PPFIA2: variants seen among roughly 807,000 people sequenced by gnomAD.
PPFIA2 encodes PPFI scaffold protein A2, also known as liprin-alpha-2.
A neutral mutation model predicts 175.5 loss-of-function variants in PPFIA2; 46 were observed. The ratio of observed to expected loss-of-function variants is 0.26; its 90% CI spans 0.21 to 0.34. The LOEUF is 0.34. Among genes scored for constraint, PPFIA2 ranks in the 10% least tolerant of loss-of-function variants. The pLI, the probability that PPFIA2 is intolerant of heterozygous loss-of-function variation, is 1.00. For synonymous variants in PPFIA2, 568 were observed against 511.4 expected (o/e 1.11, Z -1.49); for missense variants, 1,179 against 1,506.1 (o/e 0.78, Z 3.60).
chr12:81,726,704 C>G (rs1366689116), intron 3 of PPFIA2, among the ~76,000 whole-genome samples: 1 of 151,212 alleles, frequency 6.6e-6, no homozygotes, highest in South Asian at 2.1e-4. Flanking sequence ...CACAGATGGC[C>G]CATGTATTGC....
intron 4 of PPFIA2, among the ~76,000 whole-genome samples, chr12:81,494,645 T>G (rs1314346624): frequency 3.3e-5 from 5 of 152,014 alleles, no homozygotes; most frequent in East Asian, 1.9e-4. Context: ...ACATGCACAT[T>G]TATGTTTATT....
chr12:81,372,830 T>C (rs1047418040), intron 11 of PPFIA2, among the ~76,000 whole-genome samples: 5 of 151,694 alleles, frequency 3.3e-5, no homozygotes. Context: ...GAAGACTTTT[T>C]GGAAGAATTC....
At chr12:81,414,912 C>G (rs1168048413) in intron 7 of PPFIA2, among the ~76,000 whole-genome samples, 1 of 150,858 alleles carries the variant, frequency 6.6e-6, no homozygotes, top group African/African-American at 2.4e-5. Flanking sequence ...TTAAGAAACC[C>G]AAGCCAGTAA....
At chr12:81,668,567 C>T (rs574593543) in intron 4 of PPFIA2, among the ~76,000 whole-genome samples, 2 of 152,000 alleles carry the variant, frequency 1.3e-5, no homozygotes, top group African/African-American at 4.8e-5. Flanking sequence ...TGAGTCATTG[C>T]TTTGGGTCCA....
At chr12:81,508,754 TCCCTCCC>T (rs2061466577) in intron 4 of PPFIA2, among the ~76,000 whole-genome samples, 1 of 98,030 alleles carries the variant, frequency 1.0e-5, no homozygotes, top group Admixed American at 1.1e-4. Flanking sequence ...CCCGATGCTA[TCCCTCCC>T]CCCTCCCCCC....
intron 28 of PPFIA2, chr12:81,270,581 C>T (rs374744338): frequency 1.3e-5 from 2 of 152,138 alleles, no homozygotes; most frequent in East Asian, 3.9e-4. Context: ...TTCCTACCCG[C>T]CAAAGAACAT....
chr12:81,294,828 G>C lies in PPFIA2; in HGVS notation c.2925+7C>G. ...CTGAGGAAGGGGAGGAGCAGAAACTGACTCACAGTTCGAGATGTTGGAGGA... is the reference window on the plus strand; with the variant it reads ...CTGAGGAAGGGGAGGAGCAGAAACTCACTCACAGTTCGAGATGTTGGAGGA... On this transcript the variant is annotated splice_region_variant and intron_variant, in intron 24 of 32. Coordinates refer to ENST00000549396, the MANE Select transcript of PPFIA2 (RefSeq NM_003625.5). 1 of 1,611,374 alleles carries C rather than the reference G, an allele frequency of 6.2e-7. No homozygotes were observed. Among genetic ancestry groups the C allele is most frequent in the Non-Finnish European group, 8.5e-7 (1 of 1,178,674 alleles).
At chr12:81,305,612 T>C (rs7314023) in intron 22 of PPFIA2, among the ~76,000 whole-genome samples, 4 of 152,128 alleles carry the variant, frequency 2.6e-5, no homozygotes, top group Non-Finnish European at 5.9e-5. Flanking sequence ...CCTCAATTCA[T>C]ACCATTCAAA....
chr12:81,307,130 T>C (rs1203837641), intron 22 of PPFIA2, among the ~76,000 whole-genome samples: 2 of 152,160 alleles, frequency 1.3e-5, no homozygotes, highest in East Asian at 3.9e-4. Flanking sequence ...CCCTTTTATA[T>C]GAAATATTTT....
intron 15 of PPFIA2, 141 bp from the exon 16 acceptor site, chr12:81,358,358 G>T: frequency 1.2e-6 from 1 of 823,794 alleles, no homozygotes; most frequent in Non-Finnish European, 1.9e-6. Flanking sequence ...AAATTGTCAT[G>T]ACTCTCTGAG....
chr12:81,457,934 A>G, intron 4 of PPFIA2, 68 bp from the exon 5 acceptor site: 1 of 1,060,486 alleles, frequency 9.4e-7, no homozygotes, highest in Non-Finnish European at 1.4e-6. Context: ...TTCAAAATAT[A>G]AATTTCAAAA....
intron 28 of PPFIA2, 55 bp from the exon 29 acceptor site, chr12:81,268,142 T>A: frequency 1.0e-6 from 1 of 972,520 alleles, no homozygotes; most frequent in South Asian, 2.0e-5. Context: ...CTTTTTTTTT[T>A]TTTTTTTTTT....
chr12:81,719,381 T>G (rs962404335), intron 3 of PPFIA2, among the ~76,000 whole-genome samples: 2 of 151,606 alleles, frequency 1.3e-5, no homozygotes, highest in Admixed American at 6.6e-5. Context: ...ATCCTAGCTC[T>G]GATGTCAATT....
chr12:81,515,952 T>C (rs1034298843), intron 4 of PPFIA2, among the ~76,000 whole-genome samples: 2 of 143,494 alleles, frequency 1.4e-5, no homozygotes, highest in Non-Finnish European at 3.0e-5. Flanking sequence ...GGAAAGACCT[T>C]AAACTCCCAG....
In PPFIA2 at chr12:81,747,327, A is replaced by T. The variant is rs768687443; in HGVS notation, c.249+6646T>A. Among the ~76,000 whole-genome samples the T allele has an allele frequency of 5.5e-5, 8 of 144,352 alleles. 2 individuals carry two copies. Among genetic ancestry groups the T allele is most frequent in the Non-Finnish European group, 4.7e-5 (3 of 64,328 alleles). The allele number at this position is 144,352 out of a possible 152,430, so 94.7% of individuals were successfully genotyped here. On this transcript the variant is annotated intron_variant, in intron 3 of 32. Transcript: ENST00000549396. Reference sequence around the variant, plus strand: ...AATAGGAAGGGATGTTGTTTGATGTAATCAAGGGACATGTGTGACTGGCCA... The same window carrying T: ...AATAGGAAGGGATGTTGTTTGATGTTATCAAGGGACATGTGTGACTGGCCA...
chr12:81,327,544 T>C (rs2055073515), intron 21 of PPFIA2, among the ~76,000 whole-genome samples: 1 of 152,080 alleles, frequency 6.6e-6, no homozygotes, highest in African/African-American at 2.4e-5. Flanking sequence ...TAAATGAAAA[T>C]GAATGAGTCA....
At position 81,482,829 on chromosome 12, in the gene PPFIA2, T is replaced by A. The variant is rs570544938; in HGVS notation, c.304-24963A>T. ...GGGTGTAGCAAACCACCATGGCACA[T>A]GTGTACTTATGTAACAAACCTGCAG... is the stretch of plus-strand genomic sequence containing the variant. On this transcript the variant is annotated intron_variant, in intron 4 of 32. Coordinates refer to ENST00000549396, the MANE Select transcript of PPFIA2 (RefSeq NM_003625.5). Among the ~76,000 whole-genome samples the A allele has an allele frequency of 5.0e-4, 76 of 152,166 alleles. No individual in the cohort carries two copies. In the South Asian group the frequency reaches 0.015, roughly 31 times the overall value.
At chr12:81,452,650 C>G (rs923995057) in intron 5 of PPFIA2, among the ~76,000 whole-genome samples, 2 of 152,172 alleles carry the variant, frequency 1.3e-5, no homozygotes, top group African/African-American at 4.8e-5. Context: ...CTGAGAAGGT[C>G]TTCCTTTTCT....
At chr12:81,736,384 A>C (rs570303867) in intron 3 of PPFIA2, among the ~76,000 whole-genome samples, 2 of 152,060 alleles carry the variant, frequency 1.3e-5, no homozygotes, top group East Asian at 3.9e-4. Flanking sequence ...TTATTTATGT[A>C]TGTTTATCTT....
Sources: gnomAD v4.1 joint callset for allele counts (sites outside exome capture counted in the v4.1 genomes callset) on GRCh38, gnomAD v4.1.1 for gene constraint, MANE v1.5 for transcripts, NCBI Gene and HGNC (gene_info 2026-07-23, HGNC 2026-07-21) for gene names.